Variants in GABRG1 observed in about 807,000 individuals in gnomAD.
GABRG1 encodes the protein gamma-aminobutyric acid type A receptor subunit gamma1.
In GABRG1, 49 loss-of-function variants were observed where a neutral mutation model predicts 49.8. That is an observed-to-expected ratio of 0.98 (90% confidence interval 0.78 to 1.25). GABRG1 has a LOEUF of 1.25. Among genes scored for constraint, GABRG1 ranks in the 50% most tolerant of loss-of-function variants. The probability of loss-of-function intolerance (pLI) is 0.00; values close to 1 mark genes in which losing one functional copy is unlikely to be tolerated. For missense variants in GABRG1, 552 were observed against 552.3 expected, an observed-to-expected ratio of 1.00 and a Z score of 0.01; for synonymous variants, 232 against 185.1, an observed-to-expected ratio of 1.25 and a Z score of -2.06.
rs1437082797 is a variant in GABRG1 at position 46,056,150 on chromosome 4, TTAAAAAAAAAAAAAA to T, written c.916+2052_916+2066del. Among the ~76,000 whole-genome samples the T allele has an allele frequency of 2.5e-3, 115 of 46,066 alleles. 27 individuals are homozygous for T. The highest frequency in any genetic ancestry group is 6.7e-3 in the African/African-American group (106 of 15,884). 30.2% of individuals were successfully genotyped at this position (46,066 alleles called of 152,430 possible). A position where few individuals can be genotyped will look rare whatever the true frequency, so the allele number is the denominator to read the frequency against. On this transcript the variant is annotated intron_variant, in intron 7 of 8. Transcript: ENST00000295452. The stretch of plus-strand genomic sequence containing the variant: ...AAAAAAAAAAAAATAAATAAATAAA[TTAAAAAAAAAAAAAA>T]AAAAAAAAAAAAAAATAGTCTCCCA...
At position 46,083,982 on chromosome 4, in the gene GABRG1, T is replaced by C. The variant is rs774780224; in HGVS notation, c.321+4A>G. On this transcript the variant is annotated splice_donor_region_variant and intron_variant, in intron 3 of 8. Coordinates refer to ENST00000295452, the MANE Select transcript of GABRG1 (RefSeq NM_173536.4). The stretch of plus-strand genomic sequence containing the variant: ...AGTTATTATTTTTAATATTTCTTAC[T>C]TACCATATTAATTGGATCAACTGGT... 7.4e-6 allele frequency: 11 copies of C among 1,491,662 alleles called. No individual in the cohort carries two copies. The highest frequency in any genetic ancestry group is 1.4e-5 in the African/African-American group (1 of 71,620). The allele number at this position is 1,491,662 out of a possible 1,614,324, so 92.4% of individuals were successfully genotyped here. A position where few individuals can be genotyped will look rare whatever the true frequency, so the allele number is the denominator to read the frequency against.
At chr4:46,041,791 T>C (rs1376500871) in intron 8 of GABRG1, among the ~76,000 whole-genome samples, 1 of 151,952 alleles carries the variant, frequency 6.6e-6, no homozygotes, top group Non-Finnish European at 1.5e-5. Flanking sequence ...AAGCTCAGAC[T>C]TGGGAACAAT....
At chr4:46,091,242 G>T (rs892103110) in intron 2 of GABRG1, among the ~76,000 whole-genome samples, 1 of 151,980 alleles carries the variant, frequency 6.6e-6, no homozygotes, top group South Asian at 2.1e-4. Flanking sequence ...CTTTACCAAG[G>T]AAATTACGCT....
intron 1 of GABRG1, among the ~76,000 whole-genome samples, chr4:46,100,779 G>A (rs1720354604): frequency 6.8e-6 from 1 of 147,778 alleles, no homozygotes; most frequent in Non-Finnish European, 1.5e-5. Flanking sequence ...AAATCCACAT[G>A]GTGATACTAG....
intron 4 of GABRG1, 63 bp from the exon 5 acceptor site, chr4:46,064,586 T>A: frequency 1.2e-6 from 1 of 802,482 alleles, no homozygotes; most frequent in South Asian, 2.3e-5. Context: ...AAAAATCTCC[T>A]GTCTCATTTT....
intron 5 of GABRG1, among the ~76,000 whole-genome samples, chr4:46,059,660 C>T (rs1272837729): frequency 3.3e-5 from 5 of 151,928 alleles, no homozygotes; most frequent in African/African-American, 1.2e-4. Context: ...TGATCTGCTC[C>T]CCTCGGCCTC....
At chr4:46,073,481 A>G (rs1719215709) in intron 3 of GABRG1, among the ~76,000 whole-genome samples, 1 of 152,066 alleles carries the variant, frequency 6.6e-6, no homozygotes, top group East Asian at 1.9e-4. Context: ...CTTATTTCAT[A>G]CTTACCTTTC....
chr4:46,100,707 G>A (rs201331964), intron 1 of GABRG1, among the ~76,000 whole-genome samples: 438 of 126,888 alleles, frequency 3.5e-3, no homozygotes, highest in Middle Eastern at 4.6e-3. Context: ...GAAGATTTTA[G>A]AAAAAAAAAA....
At chr4:46,052,903 A>G (rs997352928) in intron 7 of GABRG1, among the ~76,000 whole-genome samples, 1 of 151,992 alleles carries the variant, frequency 6.6e-6, no homozygotes, top group African/African-American at 2.4e-5. Flanking sequence ...CAAACCTGTC[A>G]TTTCACTTTT....
rs1437318113 is a variant in GABRG1, at chr4:46,082,574, A to G, written c.321+1412T>C. Among the ~76,000 whole-genome samples the G allele has an allele frequency of 3.3e-5, 5 of 151,894 alleles. No homozygotes were observed. The South Asian group carries it at 8.3e-4, about 25-fold the overall frequency. On this transcript the variant is annotated intron_variant, in intron 3 of 8. Coordinates refer to ENST00000295452, the MANE Select transcript of GABRG1 (RefSeq NM_173536.4). Reference sequence around the variant, plus strand: ...AGGAGGGATATGCAATCCAGCTGTTATCCCTTTCCTGCCTTCACCATTCCA... The same window carrying G: ...AGGAGGGATATGCAATCCAGCTGTTGTCCCTTTCCTGCCTTCACCATTCCA...
chr4:46,046,689 A>T (rs1461979259), intron 8 of GABRG1, among the ~76,000 whole-genome samples: 1 of 151,822 alleles, frequency 6.6e-6, no homozygotes, highest in Non-Finnish European at 1.5e-5. Flanking sequence ...GCCAGGGGGG[A>T]CCCAAAAACT....
chr4:46,066,676 A>T (rs1409279584), intron 3 of GABRG1, among the ~76,000 whole-genome samples: 2 of 152,096 alleles, frequency 1.3e-5, no homozygotes, highest in Non-Finnish European at 2.9e-5. Context: ...GTAATTAGGA[A>T]ATTCCACAAT....
chr4:46,111,364 C>T (rs146851279), intron 1 of GABRG1, among the ~76,000 whole-genome samples: 5 of 151,244 alleles, frequency 3.3e-5, no homozygotes, highest in East Asian at 3.9e-4. Flanking sequence ...AAATGCAAAA[C>T]ATTTCACGTT....
At chr4:46,042,208 G>T (rs938530728) in intron 8 of GABRG1, among the ~76,000 whole-genome samples, 1 of 151,902 alleles carries the variant, frequency 6.6e-6, no homozygotes, top group Admixed American at 6.6e-5. Context: ...TGTTGTCATT[G>T]TTACTGTTTA....
chr4:46,064,413 T>G, intron 5 of GABRG1, 28 bp downstream of exon 5: 1 of 1,229,230 alleles, frequency 8.1e-7, no homozygotes, highest in Non-Finnish European at 1.1e-6. Flanking sequence ...TAAAATTCTA[T>G]GAAATTATCA....
intron 5 of GABRG1, among the ~76,000 whole-genome samples, chr4:46,058,999 T>G (rs1718564450): frequency 1.3e-5 from 2 of 152,112 alleles, no homozygotes; most frequent in Non-Finnish European, 2.9e-5. Context: ...ATAGTTTGGG[T>G]TCCTTTGAAT....
intron 2 of GABRG1, among the ~76,000 whole-genome samples, chr4:46,084,667 A>G (rs1577655203): frequency 1.3e-5 from 2 of 151,848 alleles, no homozygotes; most frequent in East Asian, 3.9e-4. Context: ...TTTTTCCTCA[A>G]GCAAAAATTT....
At chr4:46,080,207 T>C (rs1719512918) in intron 3 of GABRG1, among the ~76,000 whole-genome samples, 1 of 151,858 alleles carries the variant, frequency 6.6e-6, no homozygotes, top group Non-Finnish European at 1.5e-5. Flanking sequence ...AAAAAACTAA[T>C]ATATTAATTT....
At chr4:46,105,791 TGATA>T (rs10660132) in intron 1 of GABRG1, among the ~76,000 whole-genome samples, 5,098 of 144,610 alleles carry the variant, frequency 0.035, 192 homozygotes, top group African/African-American at 0.096. Context: ...GGTAGATAGA[TGATA>T]GATAGATAGA....
Sources: allele counts gnomAD v4.1 joint callset (sites outside exome capture counted in the v4.1 genomes callset), GRCh38; gene constraint gnomAD v4.1.1; transcripts MANE v1.5; gene names NCBI Gene and HGNC (gene_info 2026-07-23, HGNC 2026-07-21).